Variants in DLC1 observed in about 807,000 individuals in gnomAD.
DLC1 encodes rho GTPase-activating protein 7.
In DLC1, 54 loss-of-function variants were observed where a neutral mutation model predicts 140.3. That is an observed-to-expected ratio of 0.38 (90% CI 0.31 to 0.48). DLC1 has a LOEUF of 0.48. Ranked by LOEUF, DLC1 falls within the 20% of genes least tolerant of loss-of-function variation. DLC1 has a pLI of 0.96. For missense variants in DLC1, 2,536 were observed against 1,907.0 expected (o/e 1.33, Z -6.14); for synonymous variants, 986 against 728.1 (o/e 1.35, Z -5.70).
At chr8:13,266,723 C>T (rs1830702039) in intron 5 of DLC1, among the ~76,000 whole-genome samples, 1 of 151,840 alleles carries the variant, frequency 6.6e-6, no homozygotes, top group African/African-American at 2.4e-5. Context: ...CCAGCCTGGG[C>T]AATAGAGAAA....
intron 5 of DLC1, among the ~76,000 whole-genome samples, chr8:13,183,679 G>T (rs1351600427): frequency 1.3e-5 from 2 of 152,158 alleles, no homozygotes; most frequent in African/African-American, 2.4e-5. Context: ...ATTGATCGTG[G>T]TGGATAAGCT....
intron 5 of DLC1, among the ~76,000 whole-genome samples, chr8:13,262,343 AT>A (rs1444589364): frequency 6.6e-6 from 1 of 152,176 alleles, no homozygotes; most frequent in East Asian, 1.9e-4. Context: ...AGCCATTAAA[AT>A]TAGGAGGAAA....
intron 5 of DLC1, among the ~76,000 whole-genome samples, chr8:13,147,478 A>G (rs1438179584): frequency 6.6e-6 from 1 of 152,182 alleles, no homozygotes; most frequent in Non-Finnish European, 1.5e-5. Context: ...ACTGATTTTC[A>G]GATCTGTGGC....
intron 4 of DLC1, among the ~76,000 whole-genome samples, 158 bp downstream of exon 4, chr8:13,393,395 T>C (rs1836855696): frequency 6.6e-6 from 1 of 152,148 alleles, no homozygotes; most frequent in Non-Finnish European, 1.5e-5. Context: ...CAAAAAACAT[T>C]TTTCTAGGGT....
intron 4 of DLC1, among the ~76,000 whole-genome samples, chr8:13,365,648 C>T (rs992237416): frequency 2.6e-5 from 4 of 152,146 alleles, no homozygotes; most frequent in South Asian, 4.1e-4. Context: ...CGTGGTGAGA[C>T]GGTGCTCCTT....
At chr8:13,154,856 C>T (rs773589357) in intron 5 of DLC1, among the ~76,000 whole-genome samples, 4 of 152,066 alleles carry the variant, frequency 2.6e-5, no homozygotes, top group Admixed American at 1.3e-4. Context: ...TAGAAATAAG[C>T]GCTATTAAAA....
chr8:13,319,715 A>G (rs1833010223), intron 4 of DLC1, among the ~76,000 whole-genome samples: 1 of 151,538 alleles, frequency 6.6e-6, no homozygotes, highest in Non-Finnish European at 1.5e-5. Flanking sequence ...TCTTTTCTTT[A>G]TAAATTACCC....
At chr8:13,349,267 G>A (rs4831407) in intron 4 of DLC1, among the ~76,000 whole-genome samples, 134,041 of 152,150 alleles carry the variant, frequency 0.88, 59,684 homozygotes, top group East Asian at 0.98. Flanking sequence ...ATCGTTATAT[G>A]TTAATAGGAA....
chr8:13,206,701 T>G lies in DLC1; in HGVS notation c.1349-91044A>C, dbSNP rs575087878. 2.0e-5 allele frequency among the ~76,000 whole-genome samples: 3 copies of G among 152,240 alleles called. No homozygotes were observed. In the East Asian group the frequency reaches 5.8e-4, roughly 29 times the overall value. ...AAAATGCTATAGACTGACATTGATA[T>G]TCTAATGTTTTCATTAAAAAAACCC... On this transcript the variant is annotated intron_variant, in intron 5 of 17. Transcript: ENST00000276297.
chr8:13,505,593 A>G (rs1585218659), intron 1 of DLC1, among the ~76,000 whole-genome samples: 1 of 152,192 alleles, frequency 6.6e-6, no homozygotes, highest in Non-Finnish European at 1.5e-5. Flanking sequence ...TGGTGGGGCC[A>G]AACCATTCTT....
chr8:13,496,784 TCC>T lies in DLC1; in HGVS notation c.1023+2263_1023+2264del, dbSNP rs374668584. ...ATAATTAACAAATTCTTAGACCATT[TCC>T]TTTTTTTTTTTTTTTTTTTTTTTTT... On this transcript the variant is annotated intron_variant, in intron 2 of 17. Coordinates refer to ENST00000276297, the MANE Select transcript of DLC1 (RefSeq NM_182643.3). 5.7e-4 allele frequency among the ~76,000 whole-genome samples: 71 copies of T among 125,244 alleles called. 9 individuals carry two copies. Among genetic ancestry groups the T allele is most frequent in the African/African-American group, 8.1e-4 (27 of 33,506 alleles). 82.2% of individuals were successfully genotyped at this position (125,244 alleles called of 152,430 possible). A position where few individuals can be genotyped will look rare whatever the true frequency, so the allele number is the denominator to read the frequency against.
At chr8:13,316,056 A>G (rs1832849029) in intron 4 of DLC1, among the ~76,000 whole-genome samples, 3 of 152,146 alleles carry the variant, frequency 2.0e-5, no homozygotes. Flanking sequence ...TCTAACCAAC[A>G]CCTCCCTTTC....
At chr8:13,366,094 G>T (rs1835465823) in intron 4 of DLC1, among the ~76,000 whole-genome samples, 1 of 152,342 alleles carries the variant, frequency 6.6e-6, no homozygotes, top group African/African-American at 2.4e-5. Context: ...GCTGCATAAA[G>T]ACCACAGAAT....
At chr8:13,316,742 C>T (rs1449192691) in intron 4 of DLC1, among the ~76,000 whole-genome samples, 4 of 152,138 alleles carry the variant, frequency 2.6e-5, no homozygotes, top group Admixed American at 6.5e-5. Context: ...GGGTTCTTTA[C>T]TTGCTTCCTT....
intron 1 of DLC1, among the ~76,000 whole-genome samples, chr8:13,564,253 G>C (rs1054916824): frequency 1.3e-5 from 2 of 152,106 alleles, no homozygotes; most frequent in Non-Finnish European, 2.9e-5. Flanking sequence ...TACAGATAAA[G>C]AACAAGTACT....
In DLC1 at chr8:13,270,451, G is replaced by C. The variant is rs113897491; in HGVS notation, c.1348+34818C>G. Reference sequence around the variant, plus strand: ...GCCACGTGCTTGAAAGCCCAGGCCTGCTGGTGCTGCTGCTCTTTTCCATGT... The same window carrying C: ...GCCACGTGCTTGAAAGCCCAGGCCTCCTGGTGCTGCTGCTCTTTTCCATGT... On this transcript the variant is annotated intron_variant, in intron 5 of 17. Coordinates refer to ENST00000276297, the MANE Select transcript of DLC1 (RefSeq NM_182643.3). Among the ~76,000 whole-genome samples the C allele has an allele frequency of 3.3e-5, 5 of 152,316 alleles. No individual in the cohort carries two copies. In the South Asian group the frequency reaches 8.3e-4, roughly 25 times the overall value.
intron 4 of DLC1, among the ~76,000 whole-genome samples, chr8:13,311,314 A>C (rs1195798505): frequency 6.6e-6 from 1 of 152,142 alleles, no homozygotes; most frequent in Non-Finnish European, 1.5e-5. Flanking sequence ...TCTTCATAAG[A>C]CTGATGAAGC....
chr8:13,209,612 T>C (rs1393768236), intron 5 of DLC1, among the ~76,000 whole-genome samples: 1 of 152,134 alleles, frequency 6.6e-6, no homozygotes, highest in Admixed American at 6.6e-5. Flanking sequence ...TGGTGGAGTG[T>C]TCGGGTCTTG....
intron 2 of DLC1, among the ~76,000 whole-genome samples, chr8:13,446,161 C>A (rs948115330): frequency 6.6e-6 from 1 of 152,148 alleles, no homozygotes; most frequent in African/African-American, 2.4e-5. Context: ...TTAACTAGAT[C>A]ATATAATTTC....
Sources: allele counts gnomAD v4.1 joint callset (sites outside exome capture counted in the v4.1 genomes callset), GRCh38; gene constraint gnomAD v4.1.1; transcripts MANE v1.5; gene names NCBI Gene and HGNC (gene_info 2026-07-23, HGNC 2026-07-21).